Variants in ARHGEF28 observed in about 807,000 individuals in gnomAD.
The protein encoded by ARHGEF28 is 190 kDa guanine nucleotide exchange factor.
A neutral mutation model predicts 206.6 loss-of-function variants in ARHGEF28; 152 were observed. The observed-to-expected ratio is 0.74, with a 90% confidence interval of 0.64 to 0.84. The LOEUF (loss-of-function observed/expected upper bound fraction) is 0.84, where lower values mean the gene tolerates loss of function less well. Among genes scored for constraint, ARHGEF28 ranks in the 40% least tolerant of loss-of-function variants. The pLI, the probability that ARHGEF28 is intolerant of heterozygous loss-of-function variation, is 0.00. For synonymous variants in ARHGEF28, 763 were observed against 776.4 expected, an observed-to-expected ratio of 0.98 and a Z score of 0.29; for missense variants, 2,028 against 2,073.2, an observed-to-expected ratio of 0.98 and a Z score of 0.42.
intron 2 of ARHGEF28, among the ~76,000 whole-genome samples, chr5:73,699,347 C>T (rs1381604776): frequency 6.7e-6 from 1 of 150,290 alleles, no homozygotes; most frequent in East Asian, 2.0e-4. Flanking sequence ...TTCTTTTGTG[C>T]AGATCAATAA....
intron 9 of ARHGEF28, among the ~76,000 whole-genome samples, chr5:73,800,939 A>G (rs998927794): frequency 6.6e-6 from 1 of 152,210 alleles, no homozygotes; most frequent in African/African-American, 2.4e-5. Flanking sequence ...ATTTGTGGGC[A>G]TACTGGGAGA....
chr5:73,754,725 C>T (rs1752207850), intron 4 of ARHGEF28, among the ~76,000 whole-genome samples: 5 of 152,196 alleles, frequency 3.3e-5, no homozygotes, highest in Admixed American at 2.6e-4. Flanking sequence ...ACAGGGTCAT[C>T]TTGCTCTGTT....
chr5:73,682,640 G>A (rs1354353503), intron 1 of ARHGEF28, among the ~76,000 whole-genome samples: 3 of 152,132 alleles, frequency 2.0e-5, no homozygotes, highest in African/African-American at 7.2e-5. Flanking sequence ...TTGAACTCCT[G>A]ACCTGAGGTG....
intron 4 of ARHGEF28, among the ~76,000 whole-genome samples, chr5:73,762,774 T>A (rs1463265392): frequency 6.6e-6 from 1 of 152,162 alleles, no homozygotes; most frequent in Non-Finnish European, 1.5e-5. Context: ...ATTCAAGCCA[T>A]CCTTTGTATA....
chr5:73,846,417 C>A lies in ARHGEF28; in HGVS notation c.1577C>A (p.Pro526Gln). ...GACTCTTTTGAGACTAACACTGAAC[C>A]GGATTTTAATATCTCCAGGGCTGAA... ...ELDSFETNTE[P>Q]DFNISRAESL... The change falls in exon 12 of 36, where the codon CCG becomes CAG. Residue 526 changes from proline (P) to glutamine (Q), a missense_variant. This residue lies in a region of ARHGEF28 where 1,002 missense variants were observed against 1,015.3 expected (regional missense o/e 0.99). Coordinates refer to ENST00000513042, the MANE Select transcript of ARHGEF28 (RefSeq NM_001177693.2). The A allele has an allele frequency of 6.2e-7, 1 of 1,613,892 alleles. No homozygotes were observed. Among genetic ancestry groups the A allele is most frequent in the Non-Finnish European group, 8.5e-7 (1 of 1,179,856 alleles).
chr5:73,667,275 G>A (rs190308685), intron 1 of ARHGEF28, among the ~76,000 whole-genome samples: 107 of 149,102 alleles, frequency 7.2e-4, no homozygotes, highest in African/African-American at 2.6e-3. Flanking sequence ...CAGTTGGGGG[G>A]CTTAGAATTT....
At chr5:73,646,562 G>C (rs1744437769) in intron 1 of ARHGEF28, among the ~76,000 whole-genome samples, 1 of 152,080 alleles carries the variant, frequency 6.6e-6, no homozygotes. Context: ...ACATCATGTG[G>C]GTCCTTGGCT....
chr5:73,689,461 G>A (rs1377428109), intron 2 of ARHGEF28, among the ~76,000 whole-genome samples: 1 of 152,132 alleles, frequency 6.6e-6, no homozygotes, highest in Non-Finnish European at 1.5e-5. Context: ...TCCTGCCTTA[G>A]CCTCCCCAGT....
At chr5:73,919,452 G>C (rs919355761) in intron 35 of ARHGEF28, among the ~76,000 whole-genome samples, 3 of 152,200 alleles carry the variant, frequency 2.0e-5, no homozygotes, top group Admixed American at 6.5e-5. Flanking sequence ...ACTGGAACAA[G>C]TTACGTAAGT....
At chr5:73,685,348 T>C (rs1747394659) in intron 2 of ARHGEF28, among the ~76,000 whole-genome samples, 2 of 152,106 alleles carry the variant, frequency 1.3e-5, no homozygotes, top group Non-Finnish European at 2.9e-5. Context: ...CAAGGAGATT[T>C]GTACTTAGAT....
chr5:73,891,594 C>G (rs546045401), intron 26 of ARHGEF28, among the ~76,000 whole-genome samples: 1 of 151,228 alleles, frequency 6.6e-6, no homozygotes, highest in Admixed American at 6.6e-5. Context: ...GGCTGGAGTG[C>G]GCTCACTGCA....
At chr5:73,662,415 AT>A (rs1197370523) in intron 1 of ARHGEF28, among the ~76,000 whole-genome samples, 3 of 152,202 alleles carry the variant, frequency 2.0e-5, no homozygotes, top group Non-Finnish European at 4.4e-5. Flanking sequence ...CAAGCATGGC[AT>A]TTTTTGGAGC....
intron 35 of ARHGEF28, among the ~76,000 whole-genome samples, chr5:73,914,350 G>A (rs1763081759): frequency 6.8e-6 from 1 of 148,036 alleles, no homozygotes; most frequent in Non-Finnish European, 1.5e-5. Context: ...ATTGGCTTTA[G>A]AGCCCATGCT....
chr5:73,777,367 A>C (rs1048266245), intron 6 of ARHGEF28, among the ~76,000 whole-genome samples: 4 of 152,108 alleles, frequency 2.6e-5, no homozygotes, highest in African/African-American at 9.7e-5. Context: ...TCTAGTTGGC[A>C]GTGCTCCGGG....
intron 9 of ARHGEF28, among the ~76,000 whole-genome samples, chr5:73,824,640 G>A (rs1433179159): frequency 1.3e-5 from 2 of 152,062 alleles, no homozygotes; most frequent in African/African-American, 2.4e-5. Flanking sequence ...GCTAATTTTT[G>A]TACTTTTAAT....
In ARHGEF28 at chr5:73,897,995, A is replaced by G. The variant is rs376567410; in HGVS notation, c.3875A>G (p.Gln1292Arg). 4 of 1,595,884 alleles carry G rather than the reference A, an allele frequency of 2.5e-6. No homozygotes were observed. The African/African-American group carries it at 5.4e-5, about 21-fold the overall frequency. The change falls in exon 30 of 36, where the codon CAG becomes CGG. Residue 1292 changes from glutamine (Q) to arginine (R), a missense_variant. By Grantham distance (43) the Gln-to-Arg change is conservative (BLOSUM62 1). Around this residue, in one of 3 missense-constraint regions of ARHGEF28, gnomAD observed 803 missense variants for 768.0 expected, o/e 1.05. Coordinates refer to ENST00000513042, the MANE Select transcript of ARHGEF28 (RefSeq NM_001177693.2). Reference protein sequence around the residue: ...ESLQVAVKASQMGAVSQSCED... With the variant: ...ESLQVAVKASRMGAVSQSCED... ...CTACAAGTTGCAGTGAAGGCCTCAC[A>G]GATGGGCGCCGTGAGTCAATCATGT...
intron 33 of ARHGEF28, chr5:73,905,074 G>C (rs1422392584): frequency 6.6e-6 from 1 of 152,356 alleles, no homozygotes; most frequent in Non-Finnish European, 1.5e-5. Flanking sequence ...TTACCTGTCT[G>C]GGCTGCACAG....
At chr5:73,882,905 G>A (rs891284005) in intron 23 of ARHGEF28, among the ~76,000 whole-genome samples, 1 of 152,060 alleles carries the variant, frequency 6.6e-6, no homozygotes. Context: ...AATAAACACA[G>A]AATCTACTCC....
At chr5:73,664,423 C>T (rs1745813855) in intron 1 of ARHGEF28, among the ~76,000 whole-genome samples, 1 of 152,178 alleles carries the variant, frequency 6.6e-6, no homozygotes, top group African/African-American at 2.4e-5. Flanking sequence ...GGTTTGAATC[C>T]TGGTTCTGTC....
Sources: allele counts gnomAD v4.1 joint callset (sites outside exome capture counted in the v4.1 genomes callset), GRCh38; gene constraint gnomAD v4.1.1; regional missense constraint gnomAD v4.1.1; transcripts MANE v1.5; gene names NCBI Gene and HGNC (gene_info 2026-07-23, HGNC 2026-07-21).